The following BIRC6 variants were observed in gnomAD, a reference collection of about 807,000 sequenced individuals.
BIRC6 encodes baculoviral IAP repeat containing 6.
BIRC6 carries 98 observed loss-of-function variants against 503.3 expected under a neutral mutation model. That is an observed-to-expected ratio of 0.19 (90% CI 0.17 to 0.23). The LOEUF is 0.23. Among genes scored for constraint, BIRC6 ranks in the 10% least tolerant of loss-of-function variants. The probability of loss-of-function intolerance (pLI) is 1.00; values close to 1 mark genes in which losing one functional copy is unlikely to be tolerated. For synonymous variants in BIRC6, 2,240 were observed against 2,078.7 expected (o/e 1.08, Z -2.11); for missense variants, 5,360 against 5,806.0 (o/e 0.92, Z 2.50).
At chr2:32,451,877 A>G (rs749875746) in intron 22 of BIRC6, among the ~76,000 whole-genome samples, 11 of 152,198 alleles carry the variant, frequency 7.2e-5, no homozygotes, top group Non-Finnish European at 1.5e-4. Flanking sequence ...TAATTTTCCA[A>G]TACTGGATAA....
At chr2:32,502,019 G>A (rs2053253503) in intron 47 of BIRC6, 131 bp downstream of exon 47, 1 of 833,710 alleles carries the variant, frequency 1.2e-6, no homozygotes, top group Non-Finnish European at 1.7e-6. Flanking sequence ...GTACAAGAGG[G>A]CTGTGGATTA....
chr2:32,391,585 TTTC>T (rs1325543068), intron 4 of BIRC6, among the ~76,000 whole-genome samples: 2 of 152,226 alleles, frequency 1.3e-5, no homozygotes, highest in African/African-American at 4.8e-5. Context: ...ATTTTCCTGT[TTTC>T]TTTGTCATGA....
Position 32,576,720 on chromosome 2 carries a change from T to C in BIRC6, c.13355+1354T>C, listed in dbSNP as rs142143993. Among the ~76,000 whole-genome samples, 1,207 of 152,270 alleles carry C rather than the reference T, an allele frequency of 7.9e-3. 10 individuals carry two copies. Among genetic ancestry groups the C allele is most frequent in the African/African-American group, 0.028 (1,147 of 41,560 alleles). On this transcript the variant is annotated intron_variant, in intron 66 of 73. Transcript: ENST00000421745. ...TCACCTTGTGAAGGAATTCTGACTT[T>C]GTTGGCTTAATGTGTTGTCATTATC...
chr2:32,429,780 A>G (rs1435745817), intron 11 of BIRC6, among the ~76,000 whole-genome samples: 1 of 152,186 alleles, frequency 6.6e-6, no homozygotes, highest in Non-Finnish European at 1.5e-5. Context: ...CTCCCTGCCA[A>G]AAAATCATTA....
chr2:32,568,187 CTT>C (rs752609126), intron 65 of BIRC6, among the ~76,000 whole-genome samples: 32 of 139,204 alleles, frequency 2.3e-4, no homozygotes, highest in African/African-American at 7.3e-4. Flanking sequence ...TAAGTTTTAT[CTT>C]TTTTTTTTTT....
At chr2:32,439,811 T>C in intron 16 of BIRC6, 125 bp downstream of exon 16, 1 of 826,200 alleles carries the variant, frequency 1.2e-6, no homozygotes, top group Non-Finnish European at 1.8e-6. Context: ...TTGTTTGTAT[T>C]TTGTCTTTGG....
At chr2:32,367,144 A>G (rs957702408) in intron 1 of BIRC6, among the ~76,000 whole-genome samples, 1 of 150,112 alleles carries the variant, frequency 6.7e-6, no homozygotes, top group Admixed American at 6.7e-5. Flanking sequence ...GATACAAATA[A>G]AAAGAATACA....
chr2:32,365,414 G>T (rs2034756534), intron 1 of BIRC6, among the ~76,000 whole-genome samples: 1 of 151,242 alleles, frequency 6.6e-6, no homozygotes, highest in Non-Finnish European at 1.5e-5. Context: ...CCGCCTCTCA[G>T]GTTCAAGCGA....
chr2:32,357,633 G>C lies in BIRC6; in HGVS notation c.325+147G>C. On this transcript the variant is annotated intron_variant, in intron 1 of 73. Coordinates refer to ENST00000421745, the MANE Select transcript of BIRC6 (RefSeq NM_016252.4). The surrounding 1 kb of genome is among the most constrained non-coding windows in gnomAD (Gnocchi z 4.9). ...AGCCGTGAAGGGAGGCCCGGAAGCT[G>C]ATGGAGGGGGACCTTAGGACTTGGC... is the stretch of plus-strand genomic sequence containing the variant. 7.2e-7 allele frequency: 1 copy of C among 1,380,532 alleles called. No individual in the cohort carries two copies. The highest frequency in any genetic ancestry group is 1.5e-5 in the African/African-American group (1 of 65,796). 85.5% of individuals were successfully genotyped at this position (1,380,532 alleles called of 1,614,324 possible). A position where few individuals can be genotyped will look rare whatever the true frequency, so the allele number is the denominator to read the frequency against.
At chr2:32,536,685 A>G (rs1238082432) in intron 61 of BIRC6, among the ~76,000 whole-genome samples, 1 of 152,176 alleles carries the variant, frequency 6.6e-6, no homozygotes, top group Non-Finnish European at 1.5e-5. Flanking sequence ...TGGTACCAGT[A>G]CCATGCTGTT....
chr2:32,482,065 C>T (rs734363), intron 38 of BIRC6, among the ~76,000 whole-genome samples: 239 of 152,236 alleles, frequency 1.6e-3, no homozygotes, highest in Admixed American at 2.9e-3. Flanking sequence ...TTCAGACAGC[C>T]ATCTAAACTT....
intron 6 of BIRC6, among the ~76,000 whole-genome samples, chr2:32,400,026 C>G (rs780476027): frequency 6.6e-6 from 1 of 151,948 alleles, no homozygotes; most frequent in Non-Finnish European, 1.5e-5. Flanking sequence ...ATCTTCTGGC[C>G]TCAAGGATCC....
Position 32,597,530 on chromosome 2 carries a change from C to T in BIRC6, c.13613-221C>T, listed in dbSNP as rs1265877150. On this transcript the variant is annotated intron_variant, in intron 68 of 73. Transcript: ENST00000421745. ...TTTATAAAAGTTAAAGAAAATGTAT[C>T]CCTATAGCATGTGAAAGACAAGAGT... is the stretch of plus-strand genomic sequence containing the variant. Among the ~76,000 whole-genome samples, 5 of 152,128 alleles carry T rather than the reference C, an allele frequency of 3.3e-5. No individual in the cohort carries two copies. In the South Asian group the frequency reaches 8.3e-4, roughly 25 times the overall value.
chr2:32,462,924 C>T (rs978898556), intron 23 of BIRC6, among the ~76,000 whole-genome samples: 2 of 149,160 alleles, frequency 1.3e-5, no homozygotes. Flanking sequence ...CGCTGCACTC[C>T]AGCCTGAGTG....
chr2:32,473,341 G>A (rs895172038), intron 33 of BIRC6, 102 bp downstream of exon 33: 17 of 939,106 alleles, frequency 1.8e-5, no homozygotes, highest in Non-Finnish European at 2.6e-5. Flanking sequence ...ACATTTAATG[G>A]GCTCTTAGCT....
intron 61 of BIRC6, among the ~76,000 whole-genome samples, chr2:32,539,063 C>T (rs1559006197): frequency 1.3e-5 from 2 of 152,056 alleles, no homozygotes; most frequent in Non-Finnish European, 2.9e-5. Flanking sequence ...AGCTGCTACC[C>T]CTATTTTTTA....
chr2:32,549,257 TA>T (rs1175317460), intron 64 of BIRC6, 55 bp from the exon 65 acceptor site: 6 of 1,276,744 alleles, frequency 4.7e-6, no homozygotes, highest in Non-Finnish European at 5.2e-6. Flanking sequence ...TAACCTACAA[TA>T]AAAACTTTTG....
chr2:32,522,725 C>T (rs1171853491), intron 57 of BIRC6: 6 of 152,138 alleles, frequency 3.9e-5, no homozygotes, highest in Non-Finnish European at 8.8e-5. Context: ...ATTTTATTCC[C>T]TGAAACCCTG....
intron 71 of BIRC6, among the ~76,000 whole-genome samples, chr2:32,605,397 A>G (rs576982495): frequency 6.6e-6 from 1 of 152,212 alleles, no homozygotes; most frequent in Non-Finnish European, 1.5e-5. Context: ...TTAAATAAAT[A>G]AAAGAGTCCT....
Sources: allele counts gnomAD v4.1 joint callset (sites outside exome capture counted in the v4.1 genomes callset), GRCh38; gene constraint gnomAD v4.1.1; non-coding constraint Gnocchi (gnomAD v3.1); transcripts MANE v1.5; gene names NCBI Gene and HGNC (gene_info 2026-07-23, HGNC 2026-07-21).